The following RNFT2 variants were observed in gnomAD, a reference collection of about 807,000 sequenced individuals.
RNFT2 encodes E3 ubiquitin-protein ligase RNFT2.
In RNFT2, 36 loss-of-function variants were observed where a neutral mutation model predicts 53.0. The ratio of observed to expected loss-of-function variants is 0.68; its 90% CI spans 0.52 to 0.90. RNFT2 has a LOEUF of 0.90. Ranked by LOEUF, RNFT2 falls within the 40% of genes least tolerant of loss-of-function variation. The pLI is 0.00. For missense variants in RNFT2, 514 were observed against 585.6 expected, an observed-to-expected ratio of 0.88 and a Z score of 1.26; for synonymous variants, 260 against 253.2, an observed-to-expected ratio of 1.03 and a Z score of -0.26.
intron 6 of RNFT2, among the ~76,000 whole-genome samples, chr12:116,778,095 T>C (rs1449167533): frequency 6.6e-6 from 1 of 152,158 alleles, no homozygotes; most frequent in Non-Finnish European, 1.5e-5. Flanking sequence ...CCTCCCTGCC[T>C]TTCCTCCCTC....
At chr12:116,801,728 T>C (rs1874799781) in intron 7 of RNFT2, among the ~76,000 whole-genome samples, 1 of 152,252 alleles carries the variant, frequency 6.6e-6, no homozygotes, top group East Asian at 1.9e-4. Context: ...AATACCGTTT[T>C]TCAAACTATG....
At chr12:116,751,469 C>A (rs895738290) in intron 4 of RNFT2, among the ~76,000 whole-genome samples, 1 of 150,808 alleles carries the variant, frequency 6.6e-6, no homozygotes, top group Non-Finnish European at 1.5e-5. Context: ...AATGGCGCGA[C>A]CTCTGCTCAC....
In RNFT2 at chr12:116,818,335, A is replaced by AG. The variant is rs1184022693; in HGVS notation, c.883-15457_883-15456insG. 8.0e-5 allele frequency among the ~76,000 whole-genome samples: 12 copies of AG among 150,824 alleles called. No individual in the cohort carries two copies. The South Asian group carries it at 1.7e-3, about 21-fold the overall frequency. On this transcript the variant is annotated intron_variant, in intron 7 of 10. Transcript: ENST00000257575. The stretch of plus-strand genomic sequence containing the variant: ...GGCCCTATCTCAAAAAAAAAAAAAA[A>AG]ATCCGCTTTTTCGTCTGCAAACCTG...
At chr12:116,776,378 G>A (rs1246681764) in intron 6 of RNFT2, among the ~76,000 whole-genome samples, 1 of 152,164 alleles carries the variant, frequency 6.6e-6, no homozygotes, top group South Asian at 2.1e-4. Flanking sequence ...AAGCACTGGA[G>A]ATTTGGCAGA....
intron 8 of RNFT2, among the ~76,000 whole-genome samples, 166 bp downstream of exon 8, chr12:116,834,107 A>C (rs918077769): frequency 1.3e-5 from 2 of 151,962 alleles, no homozygotes; most frequent in African/African-American, 4.8e-5. Context: ...TAACTGTTTT[A>C]TTTTTATTTT....
chr12:116,755,946 C>T lies in RNFT2; in HGVS notation c.627+1886C>T, dbSNP rs150201099. 2.0e-3 allele frequency: 1,910 copies of T among 936,042 alleles called. 15 individuals are homozygous for T. The African/African-American group carries it at 0.026, about 13-fold the overall frequency. 58.0% of individuals were successfully genotyped at this position (936,042 alleles called of 1,614,324 possible). On this transcript the variant is annotated intron_variant, in intron 5 of 10. Transcript: ENST00000257575. Reference sequence around the variant, plus strand: ...TATGTCCTTATTTTTGTACCAGTACCATGCTGTTTTGGTGACTATGGCCTT... The same window carrying T: ...TATGTCCTTATTTTTGTACCAGTACTATGCTGTTTTGGTGACTATGGCCTT...
chr12:116,805,320 G>A (rs868254462), intron 7 of RNFT2, among the ~76,000 whole-genome samples: 2 of 151,946 alleles, frequency 1.3e-5, no homozygotes, highest in African/African-American at 4.8e-5. Context: ...AACAGACAAG[G>A]TTCGCCAGAG....
At position 116,786,032 on chromosome 12, in the gene RNFT2, A is replaced by G. The variant is rs145808051; in HGVS notation, c.882+6684A>G. Among the ~76,000 whole-genome samples, 431 of 152,228 alleles carry G rather than the reference A, an allele frequency of 2.8e-3. 1 individual carries two copies. The highest frequency in any genetic ancestry group is 9.6e-3 in the African/African-American group (398 of 41,548). The stretch of plus-strand genomic sequence containing the variant: ...GCGCCACTGCACTCCAGCCTCGGCA[A>G]TAGAGCCAGCCTCTCAGTATTCTTC... On this transcript the variant is annotated intron_variant, in intron 7 of 10. Transcript: ENST00000257575.
intron 7 of RNFT2, among the ~76,000 whole-genome samples, chr12:116,815,492 C>T (rs751648419): frequency 6.6e-6 from 1 of 152,084 alleles, no homozygotes; most frequent in Non-Finnish European, 1.5e-5. Context: ...AGCTCCCTGC[C>T]CTCCTTGCCT....
intron 7 of RNFT2, among the ~76,000 whole-genome samples, chr12:116,803,724 T>C (rs997763494): frequency 6.6e-6 from 1 of 152,186 alleles, no homozygotes; most frequent in Non-Finnish European, 1.5e-5. Flanking sequence ...GATGTTCTCA[T>C]AGGACAATTT....
chr12:116,829,034 G>A (rs1002174343), intron 7 of RNFT2, among the ~76,000 whole-genome samples: 9 of 152,078 alleles, frequency 5.9e-5, no homozygotes, highest in East Asian at 5.8e-4. Flanking sequence ...GTCAAGACTC[G>A]CAGTTGAGAG....
Position 116,852,139 on chromosome 12 carries a change from G to A in RNFT2, c.*2691G>A. The A allele has an allele frequency of 2.9e-6, 3 of 1,027,288 alleles. No individual in the cohort carries two copies. Among genetic ancestry groups the A allele is most frequent in the Non-Finnish European group, 4.0e-6 (3 of 742,388 alleles). 63.6% of individuals were successfully genotyped at this position (1,027,288 alleles called of 1,614,324 possible). A position where few individuals can be genotyped will look rare whatever the true frequency, so the allele number is the denominator to read the frequency against. On this transcript the variant is annotated 3_prime_UTR_variant, in exon 11 of 11. Transcript: ENST00000257575. ...CGCAGAAGCCACCAGAATCTTGCCT[G>A]CCCTATTCCTCCTCCCAAGTCTGTT... is the stretch of plus-strand genomic sequence containing the variant.
In RNFT2 at chr12:116,754,600, A is replaced by G. The variant is rs916401804; in HGVS notation, c.627+540A>G. Among the ~76,000 whole-genome samples, 7 of 152,288 alleles carry G rather than the reference A, an allele frequency of 4.6e-5. No individual in the cohort carries two copies. The East Asian group carries it at 1.3e-3, about 29-fold the overall frequency. On this transcript the variant is annotated intron_variant, in intron 5 of 10. Transcript: ENST00000257575. ...AGCGGTTGTACTAGTTTACATTCCC[A>G]CCAGCAGTGTAGACGTGTTCCCTGT...
Position 116,853,259 on chromosome 12 carries a change from T to C in RNFT2, c.*3811T>C, listed in dbSNP as rs1401833679. ...GGTTCTGCAACTCATTTGTTGTAAG[T>C]AGGGTTAATCGAGTATCAGGTTCAC... On this transcript the variant is annotated 3_prime_UTR_variant, in exon 11 of 11. Transcript: ENST00000257575. 5.0e-6 allele frequency: 2 copies of C among 398,822 alleles called. No homozygotes were observed. The highest frequency in any genetic ancestry group is 8.8e-6 in the Non-Finnish European group (2 of 226,324). The allele number at this position is 398,822 out of a possible 1,614,324, so 24.7% of individuals were successfully genotyped here. A position where few individuals can be genotyped will look rare whatever the true frequency, so the allele number is the denominator to read the frequency against.
At chr12:116,757,277 T>C (rs1209454488) in intron 5 of RNFT2, among the ~76,000 whole-genome samples, 4 of 152,154 alleles carry the variant, frequency 2.6e-5, no homozygotes, top group African/African-American at 9.6e-5. Flanking sequence ...AAGAATCAGC[T>C]TCTTGTTTCG....
intron 5 of RNFT2, among the ~76,000 whole-genome samples, chr12:116,766,116 T>TA (rs113238406): frequency 0.057 from 7,909 of 138,818 alleles, 398 homozygotes; most frequent in African/African-American, 0.16. Context: ...TAAAAAAAAA[T>TA]AAAAATTTTT....
chr12:116,740,179 G>A (rs913769167), intron 1 of RNFT2, among the ~76,000 whole-genome samples, 166 bp from the exon 2 acceptor site: 30 of 150,164 alleles, frequency 2.0e-4, no homozygotes, highest in African/African-American at 7.1e-4. Flanking sequence ...GCACCACTCC[G>A]TCTTAAAAAA....
intron 10 of RNFT2, among the ~76,000 whole-genome samples, chr12:116,844,101 T>C (rs1877492354): frequency 6.6e-6 from 1 of 152,358 alleles, no homozygotes; most frequent in Middle Eastern, 3.4e-3. Flanking sequence ...TAAGACATTA[T>C]TGGCCTTTTC....
chr12:116,788,934 GGATA>G (rs1340416461), intron 7 of RNFT2, among the ~76,000 whole-genome samples: 16 of 140,680 alleles, frequency 1.1e-4, no homozygotes, highest in African/African-American at 3.9e-4. Context: ...ATGGATGGAT[GGATA>G]GATAAATGGG....
Sources: gnomAD v4.1 joint callset for allele counts (sites outside exome capture counted in the v4.1 genomes callset) on GRCh38, gnomAD v4.1.1 for gene constraint, MANE v1.5 for transcripts, NCBI Gene and HGNC (gene_info 2026-07-23, HGNC 2026-07-21) for gene names.